Variants in AGBL1 observed in about 807,000 individuals in gnomAD.
AGBL1 encodes the protein AGBL carboxypeptidase 1.
A neutral mutation model predicts 118.9 loss-of-function variants in AGBL1; 130 were observed. The observed-to-expected ratio is 1.09, with a 90% confidence interval of 0.95 to 1.26. The LOEUF is 1.26. Ranked by LOEUF, AGBL1 falls within the 50% of genes most tolerant of loss-of-function variation. The pLI is 0.00. For synonymous variants in AGBL1, 555 were observed against 478.9 expected, an observed-to-expected ratio of 1.16 and a Z score of -2.08; for missense variants, 1,584 against 1,298.1, an observed-to-expected ratio of 1.22 and a Z score of -3.38.
intron 24 of AGBL1, among the ~76,000 whole-genome samples, chr15:86,997,969 T>C (rs921143234): frequency 6.6e-6 from 1 of 151,974 alleles, no homozygotes; most frequent in African/African-American, 2.4e-5. Flanking sequence ...ATATTTACTT[T>C]CTTATACTTT....
intron 17 of AGBL1, among the ~76,000 whole-genome samples, chr15:86,372,776 G>C (rs1348061217): frequency 6.6e-6 from 1 of 151,864 alleles, no homozygotes; most frequent in Admixed American, 6.5e-5. Flanking sequence ...TGCTACAAAG[G>C]CTTCTCTGGA....
chr15:86,343,562 T>C (rs775823322), intron 17 of AGBL1, among the ~76,000 whole-genome samples: 1 of 152,164 alleles, frequency 6.6e-6, no homozygotes, highest in Non-Finnish European at 1.5e-5. Context: ...AGATGCCTCA[T>C]GGTAGAGTGG....
intron 20 of AGBL1, among the ~76,000 whole-genome samples, chr15:86,548,643 CCA>C (rs1188981146): frequency 1.5e-3 from 203 of 136,176 alleles, no homozygotes; most frequent in African/African-American, 5.6e-3. Flanking sequence ...AGAAGGATAG[CCA>C]CACACACACA....
At chr15:86,197,253 T>C (rs1003618461) in intron 5 of AGBL1, among the ~76,000 whole-genome samples, 1 of 152,068 alleles carries the variant, frequency 6.6e-6, no homozygotes, top group Non-Finnish European at 1.5e-5. Flanking sequence ...GGTTGAAATA[T>C]GGACATTAAA....
chr15:86,660,763 C>A (rs1199841121), intron 21 of AGBL1, among the ~76,000 whole-genome samples: 1 of 152,066 alleles, frequency 6.6e-6, no homozygotes, highest in Non-Finnish European at 1.5e-5. Flanking sequence ...CAGATATTAT[C>A]TTTTAGATCA....
At chr15:86,163,027 G>A (rs2077289057) in intron 5 of AGBL1, among the ~76,000 whole-genome samples, 1 of 152,088 alleles carries the variant, frequency 6.6e-6, no homozygotes, top group Non-Finnish European at 1.5e-5. Flanking sequence ...TATTGGCCTG[G>A]GTGTCTTTTC....
Position 86,412,854 on chromosome 15 carries a change from C to T in AGBL1, c.2555+15308C>T, listed in dbSNP as rs556518126. On this transcript the variant is annotated intron_variant, in intron 18 of 22. Transcript: ENST00000614907. Reference sequence around the variant, plus strand: ...ATATTGAATGAGCATTTAACACATGCTTGACAATGCCAAGTACTTTACATA... The same window carrying T: ...ATATTGAATGAGCATTTAACACATGTTTGACAATGCCAAGTACTTTACATA... Among the ~76,000 whole-genome samples, 11 of 152,272 alleles carry T rather than the reference C, an allele frequency of 7.2e-5. No individual in the cohort carries two copies. The East Asian group carries it at 2.1e-3, about 29-fold the overall frequency.
chr15:86,401,439 C>A (rs1212072298), intron 18 of AGBL1, among the ~76,000 whole-genome samples: 1 of 152,126 alleles, frequency 6.6e-6, no homozygotes, highest in Non-Finnish European at 1.5e-5. Flanking sequence ...TTTTGCTGTG[C>A]AGGAGCTTTT....
chr15:86,858,272 TG>T (rs2079512055), intron 22 of AGBL1, among the ~76,000 whole-genome samples: 1 of 152,162 alleles, frequency 6.6e-6, no homozygotes, highest in African/African-American at 2.4e-5. Flanking sequence ...AGAAAAGTAT[TG>T]GAAAATTAGA....
At chr15:86,180,251 G>GA (rs140692157) in intron 5 of AGBL1, among the ~76,000 whole-genome samples, 1,952 of 151,420 alleles carry the variant, frequency 0.013, 26 homozygotes, top group East Asian at 0.073. Context: ...AAGCAAATTT[G>GA]AAAAAAAAGA....
At chr15:86,608,145 G>A (rs2142385038) in intron 21 of AGBL1, among the ~76,000 whole-genome samples, 1 of 152,218 alleles carries the variant, frequency 6.6e-6, no homozygotes, top group Non-Finnish European at 1.5e-5. Flanking sequence ...GCTAGTATGT[G>A]GATATATTAT....
At chr15:86,718,105 A>C (rs996448973) in intron 22 of AGBL1, among the ~76,000 whole-genome samples, 4 of 152,136 alleles carry the variant, frequency 2.6e-5, no homozygotes, top group Non-Finnish European at 5.9e-5. Flanking sequence ...TTATTATAGA[A>C]ACAGGAGAAA....
chr15:86,755,120 A>T (rs1407032387), intron 22 of AGBL1, among the ~76,000 whole-genome samples: 1 of 152,146 alleles, frequency 6.6e-6, no homozygotes, highest in Non-Finnish European at 1.5e-5. Context: ...ACGGACTTTC[A>T]TACTACTTTC....
chr15:86,527,841 G>T (rs1472618082), intron 19 of AGBL1, among the ~76,000 whole-genome samples: 1 of 152,128 alleles, frequency 6.6e-6, no homozygotes, highest in East Asian at 1.9e-4. Context: ...TACCAGACAA[G>T]TCATTCACTT....
At chr15:86,895,254 C>A (rs1158046776) in intron 22 of AGBL1, among the ~76,000 whole-genome samples, 1 of 151,660 alleles carries the variant, frequency 6.6e-6, no homozygotes, top group East Asian at 1.9e-4. Context: ...TTAAAATACT[C>A]ATTTTAAGCC....
chr15:86,249,567 T>C (rs1371091984), intron 7 of AGBL1, among the ~76,000 whole-genome samples: 2 of 152,200 alleles, frequency 1.3e-5, no homozygotes. Flanking sequence ...CTTTGAATTT[T>C]TCCAAGCTTC....
At chr15:86,875,629 G>T (rs546409732) in intron 22 of AGBL1, among the ~76,000 whole-genome samples, 2 of 152,314 alleles carry the variant, frequency 1.3e-5, no homozygotes, top group Non-Finnish European at 2.9e-5. Context: ...CCATAGGAAA[G>T]AAATTAATGT....
chr15:86,957,965 G>A (rs2080948210), intron 23 of AGBL1, among the ~76,000 whole-genome samples: 1 of 152,038 alleles, frequency 6.6e-6, no homozygotes, highest in Non-Finnish European at 1.5e-5. Flanking sequence ...ACTTTTAGAG[G>A]CCAAGGCAGA....
intron 19 of AGBL1, among the ~76,000 whole-genome samples, chr15:86,532,119 G>T (rs2083358377): frequency 2.0e-5 from 3 of 150,774 alleles, no homozygotes; most frequent in Non-Finnish European, 4.4e-5. Context: ...GGGCAATCAG[G>T]CAGGAGAAGG....
Sources: allele counts gnomAD v4.1 joint callset (sites outside exome capture counted in the v4.1 genomes callset), GRCh38; gene constraint gnomAD v4.1.1; transcripts MANE v1.5; gene names NCBI Gene and HGNC (gene_info 2026-07-23, HGNC 2026-07-21).